The following SLTM variants were observed in gnomAD, a reference collection of about 807,000 sequenced individuals.
SLTM encodes the protein SAFB like transcription modulator.
In SLTM, 43 loss-of-function variants were observed where a neutral mutation model predicts 134.6. The observed-to-expected ratio is 0.32, with a 90% CI of 0.25 to 0.41. The LOEUF (loss-of-function observed/expected upper bound fraction) is 0.41, where lower values mean the gene tolerates loss of function less well. Ranked by LOEUF, SLTM falls within the 10% of genes least tolerant of loss-of-function variation. SLTM has a pLI of 1.00. For synonymous variants in SLTM, 424 were observed against 432.3 expected (o/e 0.98, Z 0.24); for missense variants, 1,055 against 1,288.8 (o/e 0.82, Z 2.78).
chr15:58,894,330 T>A, intron 10 of SLTM, 103 bp downstream of exon 10: 1 of 1,488,918 alleles, frequency 6.7e-7, no homozygotes, highest in Non-Finnish European at 9.2e-7. Context: ...ACATAAAAAT[T>A]AAAAATCACT....
chr15:58,899,363 A>T lies in SLTM; in HGVS notation c.1058+106T>A. On this transcript the variant is annotated intron_variant, in intron 7 of 20. Transcript: ENST00000380516. This position sits in a 1 kb window ranked among gnomAD's most constrained non-coding sequence, Gnocchi z 5.0. Reference sequence around the variant, plus strand: ...CAAAAATATTATAGGCAGGATCATAAGACACTAATTACTGTACATGTTCTT... The same window carrying T: ...CAAAAATATTATAGGCAGGATCATATGACACTAATTACTGTACATGTTCTT... 2 of 872,796 alleles carry T rather than the reference A, an allele frequency of 2.3e-6. No individual in the cohort carries two copies. Among genetic ancestry groups the T allele is most frequent in the Non-Finnish European group, 3.6e-6 (2 of 555,394 alleles). 54.1% of individuals were successfully genotyped at this position (872,796 alleles called of 1,614,324 possible).
At chr15:58,917,157 C>A in intron 2 of SLTM, 158 bp from the exon 3 acceptor site, 4 of 615,948 alleles carry the variant, frequency 6.5e-6, no homozygotes, top group South Asian at 2.0e-5. Flanking sequence ...CTGTCCCAAA[C>A]AAAAAAAGCT....
intron 5 of SLTM, among the ~76,000 whole-genome samples, chr15:58,902,891 T>A (rs1030183600): frequency 6.6e-6 from 1 of 151,696 alleles, no homozygotes; most frequent in Admixed American, 6.6e-5. Context: ...ACCCAGCTAA[T>A]TTTTTATTAT....
intron 2 of SLTM, among the ~76,000 whole-genome samples, chr15:58,920,212 G>GA (rs1227478375): frequency 2.0e-5 from 3 of 152,026 alleles, no homozygotes; most frequent in African/African-American, 7.2e-5. Flanking sequence ...AGCTACTCAG[G>GA]AGGCTGAGGC....
chr15:58,883,494 A>C, intron 20 of SLTM, 132 bp downstream of exon 20: 1 of 1,174,562 alleles, frequency 8.5e-7, no homozygotes, highest in Non-Finnish European at 1.2e-6. Context: ...CTACGGGTTG[A>C]TACAGGGAAA....
intron 19 of SLTM, among the ~76,000 whole-genome samples, chr15:58,885,655 A>C (rs1349015292): frequency 6.6e-6 from 1 of 152,126 alleles, no homozygotes; most frequent in Admixed American, 6.6e-5. Context: ...GTGGTGGCGC[A>C]CATCTGTAGT....
intron 8 of SLTM, 113 bp downstream of exon 8, chr15:58,898,686 AGTCT>A (rs1241955925): frequency 5.0e-5 from 35 of 694,458 alleles, no homozygotes; most frequent in Non-Finnish European, 8.9e-5. Context: ...TCAAGTTTCT[AGTCT>A]GTCAATAAAA....
Position 58,933,423 on chromosome 15 carries a change from A to T in SLTM, c.143T>A (p.Leu48His). ...NLDITGVKTV[L>H]ISRLKQAIEE... is the part of the protein sequence containing the mutation. ...CCTCACCTGCTTGAGTCGGGAGATG[A>T]GCACGGTCTTGACTCCGGTGATGTC... The change falls in exon 1 of 21, where the codon CTC becomes CAC. Residue 48 changes from leucine (L) to histidine (H), a missense_variant. Physicochemically the swap from Leu to His is moderately conservative, Grantham distance 99. Around this residue, in one of 3 missense-constraint regions of SLTM, gnomAD observed 268 missense variants for 284.3 expected, o/e 0.94. Coordinates refer to ENST00000380516, the MANE Select transcript of SLTM (RefSeq NM_024755.4). The T allele has an allele frequency of 6.3e-7, 1 of 1,582,330 alleles. No individual in the cohort carries two copies. The highest frequency in any genetic ancestry group is 8.6e-7 in the Non-Finnish European group (1 of 1,164,746).
At chr15:58,905,346 T>G (rs2035800110) in intron 5 of SLTM, among the ~76,000 whole-genome samples, 1 of 152,144 alleles carries the variant, frequency 6.6e-6, no homozygotes, top group Non-Finnish European at 1.5e-5. Flanking sequence ...TAATTTTTGT[T>G]GAAGGAATAA....
intron 20 of SLTM, among the ~76,000 whole-genome samples, chr15:58,882,842 T>C (rs1247963953): frequency 6.6e-6 from 1 of 152,226 alleles, no homozygotes; most frequent in African/African-American, 2.4e-5. Context: ...GACCTCAGTG[T>C]GAAGAGAAAG....
intron 2 of SLTM, among the ~76,000 whole-genome samples, chr15:58,930,766 CAT>C (rs1276498872): frequency 1.4e-5 from 2 of 147,596 alleles, no homozygotes; most frequent in African/African-American, 5.0e-5. Flanking sequence ...ATCTATATAT[CAT>C]ATATATAGAT....
At chr15:58,903,855 G>A (rs2141055897) in intron 5 of SLTM, among the ~76,000 whole-genome samples, 1 of 152,270 alleles carries the variant, frequency 6.6e-6, no homozygotes, top group South Asian at 2.1e-4. Context: ...AATGTACGTA[G>A]AACTGTAAAC....
Position 58,894,503 on chromosome 15 carries a change from G to A in SLTM, c.1307C>T (p.Thr436Ile). The A allele has an allele frequency of 6.2e-7, 1 of 1,614,130 alleles. No homozygotes were observed. Among genetic ancestry groups the A allele is most frequent in the Non-Finnish European group, 8.5e-7 (1 of 1,180,006 alleles). Residue 436 changes from threonine to isoleucine, a missense_variant, in exon 10 of 21, where the codon ACA (threonine) becomes ATA (isoleucine). Physicochemically the swap from Thr to Ile is moderately conservative, Grantham distance 89 (BLOSUM62 -1). Transcript: ENST00000380516. Reference sequence around the variant, plus strand: ...ATGTGCAATACACCTGGACACCTCTGTGCTTGAAGACATAGTTACAATGCC... The same window carrying A: ...ATGTGCAATACACCTGGACACCTCTATGCTTGAAGACATAGTTACAATGCC... Reference protein sequence around the residue: ...CYGIVTMSSSTEVSRCIAHLH... With the variant: ...CYGIVTMSSSIEVSRCIAHLH...
At position 58,932,135 on chromosome 15, in the gene SLTM, A is replaced by T. The variant is rs2037921731; in HGVS notation, c.250+221T>A. 4 of 445,568 alleles carry T rather than the reference A, an allele frequency of 9.0e-6. No individual in the cohort carries two copies. The East Asian group carries it at 1.5e-4, about 16-fold the overall frequency. 27.6% of individuals were successfully genotyped at this position (445,568 alleles called of 1,614,324 possible). ...TTTGTAATTTTTTCCGGAAGCAATA[A>T]AGAACTGTTCTCACTTTCTAATCAG... On this transcript the variant is annotated intron_variant, in intron 2 of 20. Transcript: ENST00000380516.
At chr15:58,886,379 G>T (rs868207538) in intron 19 of SLTM, among the ~76,000 whole-genome samples, 1 of 151,462 alleles carries the variant, frequency 6.6e-6, no homozygotes, top group Non-Finnish European at 1.5e-5. Context: ...TGATTCTCCT[G>T]CTTCAGCCTC....
intron 2 of SLTM, among the ~76,000 whole-genome samples, chr15:58,923,516 G>C (rs569187340): frequency 1.2e-4 from 19 of 152,182 alleles, no homozygotes; most frequent in African/African-American, 3.9e-4. Context: ...ACCTCTGCAG[G>C]TCCCTAACTT....
intron 5 of SLTM, among the ~76,000 whole-genome samples, chr15:58,911,521 A>T (rs752246014): frequency 3.3e-5 from 5 of 151,944 alleles, no homozygotes; most frequent in Admixed American, 1.3e-4. Context: ...TTCACGGGGG[A>T]TGCATGCATT....
chr15:58,886,891 A>T, intron 19 of SLTM, 84 bp downstream of exon 19: 1 of 1,529,356 alleles, frequency 6.5e-7, no homozygotes, highest in Non-Finnish European at 8.9e-7. Flanking sequence ...AGCCACATCA[A>T]AATGCTACTG....
At position 58,887,041 on chromosome 15, in the gene SLTM, G is replaced by A. The variant is rs1214255999; in HGVS notation, c.2769C>T (p.Ser923=). 18 of 1,613,466 alleles carry A rather than the reference G, an allele frequency of 1.1e-5. No homozygotes were observed. The highest frequency in any genetic ancestry group is 8.9e-5 in the East Asian group (4 of 44,892). ...CCTCTCTGCTCCCGTACCCCGAAGC[G>A]CTGCTACGATTCCCAGGGGGAGCGC... ...VRGAPPGNRS[S]ASGYGSREGD... Residue 923 remains serine, a synonymous_variant, in exon 19 of 21, where the codon AGC becomes AGT. Coordinates refer to ENST00000380516, the MANE Select transcript of SLTM (RefSeq NM_024755.4).
Sources: allele counts gnomAD v4.1 joint callset (sites outside exome capture counted in the v4.1 genomes callset), GRCh38; gene constraint gnomAD v4.1.1; regional missense constraint gnomAD v4.1.1; non-coding constraint Gnocchi (gnomAD v3.1); transcripts MANE v1.5; gene names NCBI Gene and HGNC (gene_info 2026-07-23, HGNC 2026-07-21).